The following N4BP1 variants were observed in gnomAD, a reference collection of about 807,000 sequenced individuals.
N4BP1 encodes NEDD4-binding protein 1.
In N4BP1, 21 loss-of-function variants were observed where a neutral mutation model predicts 70.9. The observed-to-expected ratio is 0.30, with a 90% CI of 0.21 to 0.43. The LOEUF (loss-of-function observed/expected upper bound fraction) is 0.43. Ranked by LOEUF, N4BP1 falls within the 20% of genes least tolerant of loss-of-function variation. The pLI is 1.00. For synonymous variants in N4BP1, 387 were observed against 394.6 expected (o/e 0.98, Z 0.23); for missense variants, 936 against 1,069.4 (o/e 0.88, Z 1.74).
intron 1 of N4BP1, among the ~76,000 whole-genome samples, chr16:48,604,608 A>AAAAAAC (rs1555499920): frequency 0.014 from 2,032 of 145,988 alleles, 14 homozygotes; most frequent in Non-Finnish European, 0.021. Flanking sequence ...AAGGTAAAAA[A>AAAAAAC]AAAAACAAAA....
intron 1 of N4BP1, among the ~76,000 whole-genome samples, chr16:48,597,491 G>C (rs1158515975): frequency 1.3e-5 from 2 of 152,150 alleles, no homozygotes. Context: ...TAAAATTTCT[G>C]ACCTTAGAAC....
intron 1 of N4BP1, among the ~76,000 whole-genome samples, chr16:48,578,800 T>G (rs1472389031): frequency 1.3e-5 from 2 of 152,230 alleles, no homozygotes; most frequent in African/African-American, 4.8e-5. Context: ...TTCCTTCCAC[T>G]CTAATCCAAA....
At chr16:48,589,876 T>TGTA (rs1026734485) in intron 1 of N4BP1, among the ~76,000 whole-genome samples, 1 of 152,184 alleles carries the variant, frequency 6.6e-6, no homozygotes, top group Non-Finnish European at 1.5e-5. Flanking sequence ...CATTGCTGGG[T>TGTA]GTAGGTCGAA....
At chr16:48,554,200 G>GCAA (rs372760970) in intron 2 of N4BP1, among the ~76,000 whole-genome samples, 202 of 151,748 alleles carry the variant, frequency 1.3e-3, no homozygotes, top group African/African-American at 3.6e-3. Flanking sequence ...TAAAAGAACA[G>GCAA]CAACAACAAC....
Position 48,610,124 on chromosome 16 carries a change from C to A in N4BP1, c.-152G>T, listed in dbSNP as rs1255381732. ...CCCCGCCGCCCGCCCTCAGGCCCGGCTATACCATCCCGCCACGACCGCAGC... is the reference window on the plus strand; with the variant it reads ...CCCCGCCGCCCGCCCTCAGGCCCGGATATACCATCCCGCCACGACCGCAGC... On this transcript the variant is annotated 5_prime_UTR_variant, in exon 1 of 7. An upstream open reading frame in the 5' UTR loses its in-frame stop. Coordinates refer to ENST00000262384, the MANE Select transcript of N4BP1 (RefSeq NM_153029.4). 1.4e-5 allele frequency: 3 copies of A among 220,200 alleles called. No homozygotes were observed. The highest frequency in any genetic ancestry group is 3.4e-4 in the East Asian group (2 of 5,816). 13.6% of individuals were successfully genotyped at this position (220,200 alleles called of 1,614,324 possible).
chr16:48,562,180 C>T lies in N4BP1; in HGVS notation c.463G>A (p.Glu155Lys). Residue 155 changes from glutamate (E) to lysine (K), a missense_variant, in exon 2 of 7, where the codon GAG (glutamate) becomes AAG (lysine). Transcript: ENST00000262384. ...ENLPSSQKES[E>K]VKREFKQFVE... Reference sequence around the variant, plus strand: ...AATTGTTTGAATTCCCTTTTCACCTCTGATTCTTTCTGACTACTGGGTAGG... The same window carrying T: ...AATTGTTTGAATTCCCTTTTCACCTTTGATTCTTTCTGACTACTGGGTAGG... 6.2e-7 allele frequency: 1 copy of T among 1,614,000 alleles called. No homozygotes were observed.
At chr16:48,555,966 G>A (rs923426640) in intron 2 of N4BP1, among the ~76,000 whole-genome samples, 3 of 152,174 alleles carry the variant, frequency 2.0e-5, no homozygotes, top group African/African-American at 7.2e-5. Flanking sequence ...GTGATGGCAA[G>A]AGGAGGAACT....
intron 1 of N4BP1, among the ~76,000 whole-genome samples, chr16:48,591,740 CAT>C (rs1430978372): frequency 6.8e-6 from 1 of 147,758 alleles, no homozygotes; most frequent in Non-Finnish European, 1.5e-5. Context: ...CTGATGCCCA[CAT>C]GAGAGAACTT....
intron 1 of N4BP1, among the ~76,000 whole-genome samples, chr16:48,589,729 A>G (rs1361402859): frequency 6.6e-6 from 1 of 152,244 alleles, no homozygotes; most frequent in African/African-American, 2.4e-5. Flanking sequence ...ACAAGGGTAT[A>G]GAACCTGCCA....
chr16:48,590,819 T>A (rs1964325745), intron 1 of N4BP1, among the ~76,000 whole-genome samples: 1 of 152,162 alleles, frequency 6.6e-6, no homozygotes, highest in African/African-American at 2.4e-5. Flanking sequence ...TGTCTGCAGC[T>A]CCATCACCGA....
At chr16:48,574,694 T>C (rs949197477) in intron 1 of N4BP1, among the ~76,000 whole-genome samples, 62 of 152,202 alleles carry the variant, frequency 4.1e-4, no homozygotes, top group African/African-American at 1.4e-3. Flanking sequence ...AGAAATTTCA[T>C]ACTAGAAAAT....
At position 48,583,085 on chromosome 16, in the gene N4BP1, C is replaced by CAATA. The variant is rs902478306; in HGVS notation, c.199-20645_199-20642dup. On this transcript the variant is annotated intron_variant, in intron 1 of 6. Transcript: ENST00000262384. ...TGGGCGACAGAGTGAGGCCCTGTCT[C>CAATA]AATAAATAAATAAATAAATAAAATA... 9.9e-5 allele frequency among the ~76,000 whole-genome samples: 15 copies of CAATA among 151,900 alleles called. No homozygotes were observed. In the South Asian group the frequency reaches 1.7e-3, roughly 17 times the overall value.
intron 1 of N4BP1, among the ~76,000 whole-genome samples, chr16:48,570,721 G>A (rs1375312775): frequency 6.6e-6 from 1 of 152,174 alleles, no homozygotes; most frequent in Non-Finnish European, 1.5e-5. Context: ...TCAAATAGTT[G>A]CTGTATGCAT....
intron 1 of N4BP1, among the ~76,000 whole-genome samples, chr16:48,572,524 AAT>A (rs1472146092): frequency 6.6e-6 from 1 of 152,210 alleles, no homozygotes; most frequent in Admixed American, 6.5e-5. Flanking sequence ...TATCGCATAC[AAT>A]ATAGAATAAA....
chr16:48,554,413 T>TA (rs1246789945), intron 2 of N4BP1, among the ~76,000 whole-genome samples: 1 of 152,118 alleles, frequency 6.6e-6, no homozygotes, highest in African/African-American at 2.4e-5. Context: ...TATAGAGGAT[T>TA]AAAAAATGCC....
At chr16:48,604,039 T>A (rs946739639) in intron 1 of N4BP1, among the ~76,000 whole-genome samples, 5 of 152,082 alleles carry the variant, frequency 3.3e-5, no homozygotes, top group African/African-American at 1.2e-4. Context: ...TACTTGAGAG[T>A]TTCTGGCTCA....
At chr16:48,570,338 T>G (rs112623364) in intron 1 of N4BP1, among the ~76,000 whole-genome samples, 173 of 152,302 alleles carry the variant, frequency 1.1e-3, no homozygotes, top group African/African-American at 3.1e-3. Context: ...ACTGCTGGTT[T>G]GGTGATACTT....
At chr16:48,548,639 G>C (rs1398586818) in intron 4 of N4BP1, among the ~76,000 whole-genome samples, 1 of 151,994 alleles carries the variant, frequency 6.6e-6, no homozygotes, top group East Asian at 1.9e-4. Context: ...TCAAGCCCAG[G>C]AGTTTGAGAC....
At chr16:48,604,609 A>AAC (rs1285501602) in intron 1 of N4BP1, among the ~76,000 whole-genome samples, 2 of 141,688 alleles carry the variant, frequency 1.4e-5, no homozygotes, top group Non-Finnish European at 3.1e-5. Flanking sequence ...AGGTAAAAAA[A>AAC]AAAACAAAAA....
Sources: allele counts gnomAD v4.1 joint callset (sites outside exome capture counted in the v4.1 genomes callset), GRCh38; gene constraint gnomAD v4.1.1; transcripts MANE v1.5; gene names NCBI Gene and HGNC (gene_info 2026-07-23, HGNC 2026-07-21).